The following TNFRSF25 variants were observed in gnomAD, a reference collection of about 807,000 sequenced individuals.
TNFRSF25 encodes the protein tumor necrosis factor receptor superfamily member 25.
Under a neutral mutation model 49.4 loss-of-function variants are expected in TNFRSF25, and 28 were observed. The ratio of observed to expected loss-of-function variants is 0.57; its 90% confidence interval spans 0.42 to 0.78. The LOEUF (loss-of-function observed/expected upper bound fraction) is 0.78. Among genes scored for constraint, TNFRSF25 ranks in the 30% least tolerant of loss-of-function variants. TNFRSF25 has a pLI of 0.00. For synonymous variants in TNFRSF25, 240 were observed against 234.2 expected, an observed-to-expected ratio of 1.02 and a Z score of -0.23; for missense variants, 531 against 581.6, an observed-to-expected ratio of 0.91 and a Z score of 0.90.
chr1:6,462,340 C>G lies in TNFRSF25; in HGVS notation c.745-166G>C. 2 of 1,168,048 alleles carry G rather than the reference C, an allele frequency of 1.7e-6. No homozygotes were observed. The highest frequency in any genetic ancestry group is 2.3e-6 in the Non-Finnish European group (2 of 853,324). The allele number at this position is 1,168,048 out of a possible 1,614,324, so 72.4% of individuals were successfully genotyped here. On this transcript the variant is annotated intron_variant, in intron 8 of 9. Coordinates refer to ENST00000356876, the MANE Select transcript of TNFRSF25 (RefSeq NM_003790.3). The surrounding 1 kb of genome is among the most constrained non-coding windows in gnomAD (Gnocchi z 4.2). ...TCACTGTAGCCCAGCAGAACTCTTG[C>G]TTCTGCCTTGAGTCCCCTGCCCCCG...
Position 6,465,512 on chromosome 1 carries a change from T to C in TNFRSF25, c.88A>G (p.Ser30Gly). Residue 30 changes from serine to glycine, a missense_variant, in exon 2 of 10, where the codon AGC becomes GGC. Ser to Gly is a moderately conservative substitution (Grantham distance 56, BLOSUM62 0). Transcript: ENST00000356876. ...LGARAQGGTRSPRCDCAGDFH... is the reference protein window; with the variant it reads ...LGARAQGGTRGPRCDCAGDFH... ...TCACCGGCACAGTCACACCTGGGGC[T>C]ACGAGTGCCGCCCTGGGCCCGGGCC... 1.2e-6 allele frequency: 2 copies of C among 1,613,762 alleles called. No individual in the cohort carries two copies. The highest frequency in any genetic ancestry group is 1.7e-6 in the Non-Finnish European group (2 of 1,179,956).
At position 6,465,158 on chromosome 1, in the gene TNFRSF25, T is replaced by C. The variant is rs762923523; in HGVS notation, c.225A>G (p.Gln75=). 6.2e-7 allele frequency: 1 copy of C among 1,613,946 alleles called. No individual in the cohort carries two copies. The highest frequency in any genetic ancestry group is 1.1e-5 in the South Asian group (1 of 91,082). ...GGTTCTCCCAGGCCAAGAAGGTGTC[T>C]TGGGGACACACAAGGCAGGTGGAGT... The part of the protein sequence containing the change: ...CGNSTCLVCP[Q]DTFLAWENHH... The change falls in exon 3 of 10, where the codon CAA becomes CAG. Residue 75 remains glutamine, a synonymous_variant. Transcript: ENST00000356876.
rs764786399 is a variant in TNFRSF25, at chr1:6,462,694, G to A, written c.707-28C>T. On this transcript the variant is annotated intron_variant, in intron 7 of 9. Coordinates refer to ENST00000356876, the MANE Select transcript of TNFRSF25 (RefSeq NM_003790.3). The surrounding 1 kb of genome is among the most constrained non-coding windows in gnomAD (Gnocchi z 4.2). The stretch of plus-strand genomic sequence containing the variant: ...GACAGACACAGAGAGATTGCGGTCA[G>A]CCACCAGGCAAGCCTCCTGGACCTG... 9.4e-5 allele frequency: 151 copies of A among 1,611,856 alleles called. No individual in the cohort carries two copies. The highest frequency in any genetic ancestry group is 2.9e-5 in the Non-Finnish European group (34 of 1,178,904).
Position 6,461,309 on chromosome 1 carries a change from G to C in TNFRSF25, c.*125C>G. On this transcript the variant is annotated 3_prime_UTR_variant, in exon 10 of 10. Transcript: ENST00000356876. This position sits in a 1 kb window ranked among gnomAD's most constrained non-coding sequence, Gnocchi z 6.3. ...GGGCGAGCAGGGGTGGGGCCGGCTG[G>C]TGCTGCTACGCAGGGCCGTGCCAGC... The C allele has an allele frequency of 8.0e-7, 1 of 1,250,342 alleles. No homozygotes were observed. The highest frequency in any genetic ancestry group is 1.1e-6 in the Non-Finnish European group (1 of 878,616). 77.5% of individuals were successfully genotyped at this position (1,250,342 alleles called of 1,614,324 possible).
At chr1:6,464,277 C>T in intron 5 of TNFRSF25, 98 bp downstream of exon 5, 1 of 1,539,098 alleles carries the variant, frequency 6.5e-7, no homozygotes, top group Middle Eastern at 2.2e-4. Flanking sequence ...CTCCCTATCC[C>T]CTCTTCCTAT....
At chr1:6,465,613 C>G in intron 1 of TNFRSF25, 53 bp from the exon 2 acceptor site, 11 of 1,578,520 alleles carry the variant, frequency 7.0e-6, no homozygotes, top group Non-Finnish European at 9.5e-6. Flanking sequence ...TGGGGCCTCT[C>G]CCTGCTGCGT....
chr1:6,462,055 G>C lies in TNFRSF25; in HGVS notation c.864C>G (p.Thr288=). Reference sequence around the variant, plus strand: ...TCACCTGCGGGCAGAGCGCCTCCTGGGTCTCGGGGTAGCCAGGGGTCCAGC... The same window carrying C: ...TCACCTGCGGGCAGAGCGCCTCCTGCGTCTCGGGGTAGCCAGGGGTCCAGC... ...GNSWTPGYPE[T]QEALCPQVTW... is the part of the protein sequence containing the mutation. Residue 288 remains threonine, a synonymous_variant, in exon 9 of 10, where the codon ACC becomes ACG. Coordinates refer to ENST00000356876, the MANE Select transcript of TNFRSF25 (RefSeq NM_003790.3). The surrounding 1 kb of genome is among the most constrained non-coding windows in gnomAD (Gnocchi z 4.2). 6.2e-7 allele frequency: 1 copy of C among 1,613,704 alleles called. No individual in the cohort carries two copies. The highest frequency in any genetic ancestry group is 8.5e-7 in the Non-Finnish European group (1 of 1,179,968).
chr1:6,463,725 CAAAAAAAAAAAAAA>C (rs55660538), intron 5 of TNFRSF25: 8,202 of 27,644 alleles, frequency 0.3, 364 homozygotes, highest in Middle Eastern at 0.4. Context: ...GTCTCCATCT[CAAAAAAAAAAAAAA>C]AAAAAAAAAA....
Position 6,460,786 on chromosome 1 carries a change from G to C in TNFRSF25, c.*648C>G, listed in dbSNP as rs1179386832. The stretch of plus-strand genomic sequence containing the variant: ...CAAGTCTGCGCCCCGTCCCCAGCCA[G>C]ACCCACTCGCTGCCGGGACCCTTTC... On this transcript the variant is annotated 3_prime_UTR_variant, in exon 10 of 10. Transcript: ENST00000356876. 4.9e-6 allele frequency: 1 copy of C among 205,290 alleles called. No homozygotes were observed. The highest frequency in any genetic ancestry group is 2.4e-5 in the African/African-American group (1 of 42,206). 12.7% of individuals were successfully genotyped at this position (205,290 alleles called of 1,614,324 possible).
At position 6,465,579 on chromosome 1, in the gene TNFRSF25, T is replaced by A. The variant is rs1280965869; in HGVS notation, c.40-19A>T. The A allele has an allele frequency of 6.2e-7, 1 of 1,609,414 alleles. No individual in the cohort carries two copies. The highest frequency in any genetic ancestry group is 1.7e-5 in the Admixed American group (1 of 59,494). ...GGAGCGCCTGGGGGACAGGTGCTGCTGACTCTCAGCGCAGCTGCCCACGTG... is the reference window on the plus strand; with the variant it reads ...GGAGCGCCTGGGGGACAGGTGCTGCAGACTCTCAGCGCAGCTGCCCACGTG... On this transcript the variant is annotated intron_variant, in intron 1 of 9. Transcript: ENST00000356876.
In TNFRSF25 at chr1:6,462,833, C is replaced by T; in HGVS notation, c.706+30G>A. 2 of 1,586,644 alleles carry T rather than the reference C, an allele frequency of 1.3e-6. No homozygotes were observed. Among genetic ancestry groups the T allele is most frequent in the South Asian group, 1.1e-5 (1 of 87,886 alleles). On this transcript the variant is annotated intron_variant, in intron 7 of 9. Transcript: ENST00000356876. The surrounding 1 kb of genome is among the most constrained non-coding windows in gnomAD (Gnocchi z 4.2). ...GGCTACCCATCCTGACCCCAGGCTT[C>T]TGGGTGCGTGTGTGGGTGTGTGTAC...
rs142412502 is a variant in TNFRSF25, at chr1:6,462,548, G to A, written c.744+81C>T. ...ACTAGGGCTACCCGGTGCTGGCCGC[G>A]TGCCAAGCTCCAGGGATCATAGTAA... On this transcript the variant is annotated intron_variant, in intron 8 of 9. Coordinates refer to ENST00000356876, the MANE Select transcript of TNFRSF25 (RefSeq NM_003790.3). The surrounding 1 kb of genome is among the most constrained non-coding windows in gnomAD (Gnocchi z 4.2). 3.5e-5 allele frequency: 55 copies of A among 1,565,582 alleles called. No homozygotes were observed. Among genetic ancestry groups the A allele is most frequent in the Non-Finnish European group, 3.9e-5 (45 of 1,156,980 alleles).
chr1:6,461,172 T>C lies in TNFRSF25; in HGVS notation c.*262A>G, dbSNP rs1355962736. Reference sequence around the variant, plus strand: ...GCCGTTTTTGTTTTGTTTTGTTTTCTTTCACAGATTTAATACCGCGATCTC... The same window carrying C: ...GCCGTTTTTGTTTTGTTTTGTTTTCCTTCACAGATTTAATACCGCGATCTC... On this transcript the variant is annotated 3_prime_UTR_variant, in exon 10 of 10. Coordinates refer to ENST00000356876, the MANE Select transcript of TNFRSF25 (RefSeq NM_003790.3). The surrounding 1 kb of genome is among the most constrained non-coding windows in gnomAD (Gnocchi z 6.3). 8 of 700,950 alleles carry C rather than the reference T, an allele frequency of 1.1e-5. No homozygotes were observed. In the East Asian group the frequency reaches 2.2e-4, roughly 20 times the overall value. 43.4% of individuals were successfully genotyped at this position (700,950 alleles called of 1,614,324 possible).
chr1:6,465,905 G>T, intron 1 of TNFRSF25, 164 bp downstream of exon 1: 1 of 1,427,432 alleles, frequency 7.0e-7, no homozygotes. Flanking sequence ...TTTCCTCTCA[G>T]TGGAAGGGCT....
At chr1:6,465,033 C>T (rs1644303459) in intron 3 of TNFRSF25, 55 bp downstream of exon 3, 10 of 1,569,898 alleles carry the variant, frequency 6.4e-6, no homozygotes, top group Non-Finnish European at 8.6e-7. Flanking sequence ...CAGCCACTTC[C>T]TTCAGAAAGG....
rs889215486 is a variant in TNFRSF25 at position 6,461,828 on chromosome 1, C to A, written c.926-66G>T. The A allele has an allele frequency of 2.7e-6, 4 of 1,458,414 alleles. No homozygotes were observed. Among genetic ancestry groups the A allele is most frequent in the Non-Finnish European group, 3.6e-6 (4 of 1,106,572 alleles). 90.3% of individuals were successfully genotyped at this position (1,458,414 alleles called of 1,614,324 possible). On this transcript the variant is annotated intron_variant, in intron 9 of 9. Transcript: ENST00000356876. This position sits in a 1 kb window ranked among gnomAD's most constrained non-coding sequence, Gnocchi z 6.3. ...CGCGGTCGGGAGGCAGAGTCAGGGGCGTTCGTGCGGGTACCCCAGGGCTGA... is the reference window on the plus strand; with the variant it reads ...CGCGGTCGGGAGGCAGAGTCAGGGGAGTTCGTGCGGGTACCCCAGGGCTGA...
rs564358391 is a variant in TNFRSF25, at chr1:6,464,041, T to C, written c.542+334A>G. 11 of 1,097,448 alleles carry C rather than the reference T, an allele frequency of 1.0e-5. No individual in the cohort carries two copies. In the East Asian group the frequency reaches 3.0e-4, roughly 30 times the overall value. The allele number at this position is 1,097,448 out of a possible 1,614,324, so 68.0% of individuals were successfully genotyped here. Reference sequence around the variant, plus strand: ...GTGCAGTGGCACGATCATAGCTCACTGCAGCCTCAACCTCCTTCAGCCCAA... The same window carrying C: ...GTGCAGTGGCACGATCATAGCTCACCGCAGCCTCAACCTCCTTCAGCCCAA... On this transcript the variant is annotated intron_variant, in intron 5 of 9. Transcript: ENST00000356876.
In TNFRSF25 at chr1:6,462,125, G is replaced by C; in HGVS notation, c.794C>G (p.Pro265Arg). 6.2e-7 allele frequency: 1 copy of C among 1,613,820 alleles called. No homozygotes were observed. The highest frequency in any genetic ancestry group is 8.5e-7 in the Non-Finnish European group (1 of 1,179,908). Residue 265 changes from proline (P) to arginine (R), a missense_variant, in exon 9 of 10, where the codon CCT becomes CGT. Coordinates refer to ENST00000356876, the MANE Select transcript of TNFRSF25 (RefSeq NM_003790.3). The surrounding 1 kb of genome is among the most constrained non-coding windows in gnomAD (Gnocchi z 4.2). ...LDSAHTLLAP[P>R]DSSEKICTVQ... ...GGTGCAGATCTTCTCACTGCTGTCA[G>C]GAGGTGCTAGAAGGGTGTGGGCGCT... is the stretch of plus-strand genomic sequence containing the variant.
At position 6,461,139 on chromosome 1, in the gene TNFRSF25, G is replaced by T; in HGVS notation, c.*295C>A. 1 of 632,092 alleles carries T rather than the reference G, an allele frequency of 1.6e-6. No homozygotes were observed. The highest frequency in any genetic ancestry group is 3.0e-6 in the Non-Finnish European group (1 of 331,646). The allele number at this position is 632,092 out of a possible 1,614,324, so 39.2% of individuals were successfully genotyped here. A position where few individuals can be genotyped will look rare whatever the true frequency, so the allele number is the denominator to read the frequency against. ...CTTAACACCCCAGCCCCGCAGAAAC[G>T]CCAAGAAGCCGTTTTTGTTTTGTTT... is the stretch of plus-strand genomic sequence containing the variant. On this transcript the variant is annotated 3_prime_UTR_variant, in exon 10 of 10. Coordinates refer to ENST00000356876, the MANE Select transcript of TNFRSF25 (RefSeq NM_003790.3). This position sits in a 1 kb window ranked among gnomAD's most constrained non-coding sequence, Gnocchi z 6.3.
Sources: gnomAD v4.1 joint callset for allele counts on GRCh38, gnomAD v4.1.1 for gene constraint, Gnocchi (gnomAD v3.1) non-coding constraint, MANE v1.5 for transcripts, NCBI Gene and HGNC (gene_info 2026-07-23, HGNC 2026-07-21) for gene names.